Variants in CES5A observed in about 807,000 individuals in gnomAD.
CES5A encodes the protein carboxylesterase 5.
In CES5A, 67 loss-of-function variants were observed where a neutral mutation model predicts 62.9. The observed-to-expected ratio is 1.07, with a 90% CI of 0.88 to 1.31. CES5A has a LOEUF of 1.31. Among genes scored for constraint, CES5A ranks in the 50% most tolerant of loss-of-function variants. The pLI is 0.00. For synonymous variants in CES5A, 296 were observed against 280.8 expected, an observed-to-expected ratio of 1.05 and a Z score of -0.54; for missense variants, 748 against 708.5, an observed-to-expected ratio of 1.06 and a Z score of -0.63.
At chr16:55,953,227 C>T (rs571203712) in intron 1 of CES5A, among the ~76,000 whole-genome samples, 2 of 152,104 alleles carry the variant, frequency 1.3e-5, no homozygotes, top group African/African-American at 2.4e-5. Flanking sequence ...CAGTGTACAT[C>T]GTAGTTATGG....
At chr16:55,854,761 G>A (rs144901193) in intron 9 of CES5A, among the ~76,000 whole-genome samples, 390 of 151,096 alleles carry the variant, frequency 2.6e-3, no homozygotes, top group South Asian at 0.025. Flanking sequence ...TGAACTTCTG[G>A]GCTCAAGCAA....
At chr16:55,910,338 C>T (rs2034081265) in intron 1 of CES5A, among the ~76,000 whole-genome samples, 1 of 152,184 alleles carries the variant, frequency 6.6e-6, no homozygotes, top group South Asian at 2.1e-4. Context: ...AGCAAGGATG[C>T]CCTTCACCCC....
At chr16:55,870,491 A>G (rs1400167449) in intron 3 of CES5A, among the ~76,000 whole-genome samples, 2 of 152,196 alleles carry the variant, frequency 1.3e-5, no homozygotes, top group Admixed American at 1.3e-4. Flanking sequence ...GCCTGAGCTC[A>G]GGAGTTCAAG....
intron 1 of CES5A, among the ~76,000 whole-genome samples, chr16:55,953,843 T>C (rs1199356296): frequency 1.3e-5 from 2 of 152,206 alleles, no homozygotes; most frequent in African/African-American, 2.4e-5. Context: ...ATCGGGGTAA[T>C]TGGGGTGTCC....
intron 2 of CES5A, among the ~76,000 whole-genome samples, chr16:55,873,255 C>T (rs112857460): frequency 2.9e-4 from 44 of 152,276 alleles, no homozygotes; most frequent in African/African-American, 1.1e-3. Context: ...CCAGGAGCTC[C>T]TTACCTCCCA....
At chr16:55,938,367 A>G (rs769863376) in intron 2 of CES5A, among the ~76,000 whole-genome samples, 1 of 152,174 alleles carries the variant, frequency 6.6e-6, no homozygotes, top group Non-Finnish European at 1.5e-5. Flanking sequence ...TTGGAGAACC[A>G]TGAAATCAGC....
intron 11 of CES5A, among the ~76,000 whole-genome samples, chr16:55,848,917 T>C (rs2033072168): frequency 6.6e-6 from 1 of 152,180 alleles, no homozygotes; most frequent in Non-Finnish European, 1.5e-5. Context: ...GTTGTGAGGA[T>C]GAAAAACTGA....
Position 55,873,814 on chromosome 16 carries a change from G to GC in CES5A, c.278+18_278+19insG. On this transcript the variant is annotated intron_variant, in intron 2 of 12. Coordinates refer to ENST00000290567, the MANE Select transcript of CES5A (RefSeq NM_001143685.2). ...CTCCCAGAGTCACAAACCACCCGTG[G>GC]GCCCGAACCTGGTCTTACAAATTAG... The GC allele has an allele frequency of 6.2e-7, 1 of 1,603,060 alleles. No homozygotes were observed. Among genetic ancestry groups the GC allele is most frequent in the Non-Finnish European group, 8.5e-7 (1 of 1,173,248 alleles).
intron 1 of CES5A, among the ~76,000 whole-genome samples, chr16:55,918,461 T>C (rs887851569): frequency 6.6e-6 from 1 of 152,204 alleles, no homozygotes; most frequent in East Asian, 1.9e-4. Context: ...TCCCTGCCTA[T>C]GTTCTATTCT....
At chr16:55,953,144 T>G (rs920607827) in intron 1 of CES5A, among the ~76,000 whole-genome samples, 3 of 152,198 alleles carry the variant, frequency 2.0e-5, no homozygotes, top group Non-Finnish European at 2.9e-5. Context: ...ATGCTAAAAT[T>G]TAATGTAATT....
intron 2 of CES5A, among the ~76,000 whole-genome samples, chr16:55,873,496 C>T (rs779110654): frequency 6.6e-6 from 1 of 152,226 alleles, no homozygotes; most frequent in East Asian, 1.9e-4. Flanking sequence ...ACTCAGTACG[C>T]CCATTTCAGC....
chr16:55,951,465 A>G (rs2034556729), intron 1 of CES5A, among the ~76,000 whole-genome samples: 1 of 152,222 alleles, frequency 6.6e-6, no homozygotes, highest in Non-Finnish European at 1.5e-5. Flanking sequence ...ATTTCCAACT[A>G]TTATAGAAGA....
chr16:55,954,485 G>C (rs1428673932), intron 1 of CES5A, among the ~76,000 whole-genome samples: 1 of 152,166 alleles, frequency 6.6e-6, no homozygotes, highest in Non-Finnish European at 1.5e-5. Flanking sequence ...AAAAACCAGG[G>C]TGGCCAAACA....
intron 2 of CES5A, chr16:55,944,291 C>T: frequency 5.0e-6 from 3 of 595,330 alleles, no homozygotes; most frequent in Non-Finnish European, 3.0e-6. Context: ...TGGTGACCTC[C>T]TGGATTGTTG....
chr16:55,854,240 C>CT (rs2033187499), intron 9 of CES5A, among the ~76,000 whole-genome samples: 1 of 152,104 alleles, frequency 6.6e-6, no homozygotes, highest in Non-Finnish European at 1.5e-5. Flanking sequence ...CCCTAGCATG[C>CT]TACTGTGCCT....
At chr16:55,863,570 G>A in intron 5 of CES5A, 118 bp from the exon 6 acceptor site, 1 of 653,340 alleles carries the variant, frequency 1.5e-6, no homozygotes. Context: ...AGCTTAGAGG[G>A]GAAAAAAGCC....
intron 1 of CES5A, among the ~76,000 whole-genome samples, chr16:55,921,149 A>C (rs1450599769): frequency 6.6e-6 from 1 of 152,202 alleles, no homozygotes; most frequent in Non-Finnish European, 1.5e-5. Flanking sequence ...CAAATCTGAG[A>C]ATTATTGTTG....
At chr16:55,883,895 G>C (rs2033786925) in intron 1 of CES5A, among the ~76,000 whole-genome samples, 1 of 152,186 alleles carries the variant, frequency 6.6e-6, no homozygotes, top group South Asian at 2.1e-4. Flanking sequence ...CCCACTGTAA[G>C]CCAGTCTTTA....
Position 55,872,399 on chromosome 16 carries a change from C to T in CES5A, c.279-636G>A, listed in dbSNP as rs530315813. Reference sequence around the variant, plus strand: ...CTCCAGTTCTACCATACCTCTTCTTCGGAAACACCCACCTACTTTGCATTC... The same window carrying T: ...CTCCAGTTCTACCATACCTCTTCTTTGGAAACACCCACCTACTTTGCATTC... On this transcript the variant is annotated intron_variant, in intron 2 of 12. Transcript: ENST00000290567. 9.2e-5 allele frequency among the ~76,000 whole-genome samples: 14 copies of T among 152,298 alleles called. 1 individual carries two copies. The highest frequency in any genetic ancestry group is 4.1e-4 in the South Asian group (2 of 4,820).
Sources: gnomAD v4.1 joint callset for allele counts (sites outside exome capture counted in the v4.1 genomes callset) on GRCh38, gnomAD v4.1.1 for gene constraint, MANE v1.5 for transcripts, NCBI Gene and HGNC (gene_info 2026-07-23, HGNC 2026-07-21) for gene names.